Variants in CELF2 observed in about 807,000 individuals in gnomAD.
CELF2 encodes CUG triplet repeat RNA-binding protein 2.
A neutral mutation model predicts 62.6 loss-of-function variants in CELF2; 8 were observed. The ratio of observed to expected loss-of-function variants is 0.13; its 90% CI spans 0.07 to 0.23. The LOEUF is 0.23. CELF2 is among the 10% of genes least tolerant of loss of function. CELF2 has a pLI of 1.00. For missense variants in CELF2, 333 were observed against 671.0 expected, an observed-to-expected ratio of 0.50 and a Z score of 5.56; for synonymous variants, 258 against 250.0, an observed-to-expected ratio of 1.03 and a Z score of -0.30.
intron 1 of CELF2, among the ~76,000 whole-genome samples, chr10:10,898,006 G>A (rs910436300): frequency 2.0e-5 from 3 of 152,178 alleles, no homozygotes; most frequent in Admixed American, 1.3e-4. Context: ...TGGGCTCAGA[G>A]GGTGGATCAA....
At chr10:10,683,127 C>T in the CELF2 span, among the ~76,000 whole-genome samples, 1 of 152,180 alleles carries the variant, frequency 6.6e-6, no homozygotes, top group Non-Finnish European at 1.5e-5. Flanking sequence ...GACATTTTCC[C>T]TACTATAGTA....
At chr10:10,791,387 T>C in the CELF2 span, among the ~76,000 whole-genome samples, 9 of 152,234 alleles carry the variant, frequency 5.9e-5, 1 homozygote, top group East Asian at 1.7e-3. Context: ...TTTCCAACTT[T>C]GCCAGTAAAC....
In CELF2 at chr10:11,319,178, G is replaced by C. The variant is rs539784118; in HGVS notation, c.1097-2011G>C. ...TTCCAGAGGACTGTGCCCAGAGTGCGATCATCTGTAATCCACAGCACCCGT... is the reference window on the plus strand; with the variant it reads ...TTCCAGAGGACTGTGCCCAGAGTGCCATCATCTGTAATCCACAGCACCCGT... On this transcript the variant is annotated intron_variant, in intron 10 of 12. Coordinates refer to ENST00000633077, the MANE Select transcript of CELF2 (RefSeq NM_001326342.2). The surrounding 1 kb of genome is among the most constrained non-coding windows in gnomAD (Gnocchi z 4.4). 29 of 454,290 alleles carry C rather than the reference G, an allele frequency of 6.4e-5. No individual in the cohort carries two copies. The highest frequency in any genetic ancestry group is 4.5e-4 in the South Asian group (28 of 61,606). The allele number at this position is 454,290 out of a possible 1,614,324, so 28.1% of individuals were successfully genotyped here. A position where few individuals can be genotyped will look rare whatever the true frequency, so the allele number is the denominator to read the frequency against.
chr10:11,006,253 T>C (rs2055238478), intron 1 of CELF2, among the ~76,000 whole-genome samples: 1 of 152,246 alleles, frequency 6.6e-6, no homozygotes, highest in African/African-American at 2.4e-5. Flanking sequence ...TTTATTTTTT[T>C]CTTTTTCAAC....
chr10:10,749,398 T>C, the CELF2 span, among the ~76,000 whole-genome samples: 1 of 152,170 alleles, frequency 6.6e-6, no homozygotes, highest in East Asian at 1.9e-4. Context: ...AATTACAGTT[T>C]TATGTGCTAT....
intron 1 of CELF2, among the ~76,000 whole-genome samples, chr10:10,916,138 A>C (rs765831868): frequency 2.0e-5 from 3 of 152,238 alleles, no homozygotes; most frequent in Non-Finnish European, 4.4e-5. Flanking sequence ...GTATAAATTC[A>C]TGAAAACATG....
intron 10 of CELF2, among the ~76,000 whole-genome samples, chr10:11,320,615 G>A (rs951743030): frequency 2.6e-5 from 4 of 152,054 alleles, no homozygotes; most frequent in Admixed American, 2.6e-4. Context: ...TAGAAAGTCC[G>A]TTTTCCCACA....
At chr10:10,529,739 T>C in the CELF2 span, among the ~76,000 whole-genome samples, 5 of 145,416 alleles carry the variant, frequency 3.4e-5, no homozygotes, top group East Asian at 1.0e-3. Flanking sequence ...TCTTAAAGAT[T>C]AGTGAATTAT....
chr10:11,283,007 A>G (rs757765265), intron 8 of CELF2, among the ~76,000 whole-genome samples: 3 of 152,182 alleles, frequency 2.0e-5, no homozygotes, highest in Admixed American at 6.5e-5. Flanking sequence ...GGCCCAAGCG[A>G]TCCTTTAGCC....
intron 2 of CELF2, chr10:10,929,585 C>T (rs1170795945): frequency 1.3e-5 from 2 of 152,188 alleles, no homozygotes; most frequent in Middle Eastern, 3.2e-3. Flanking sequence ...TTAAAAATCC[C>T]AGTTCAGCCA....
At chr10:10,653,864 A>C in the CELF2 span, among the ~76,000 whole-genome samples, 1 of 151,292 alleles carries the variant, frequency 6.6e-6, no homozygotes, top group South Asian at 2.1e-4. Context: ...AAATAACTAA[A>C]ATCAGAGCAG....
chr10:10,757,432 G>T, the CELF2 span, among the ~76,000 whole-genome samples: 2,199 of 152,222 alleles, frequency 0.014, 59 homozygotes, highest in African/African-American at 0.051. Context: ...CACTGTCTCT[G>T]TCTCTTAAAA....
At chr10:10,478,587 T>C in the CELF2 span, among the ~76,000 whole-genome samples, 6 of 152,262 alleles carry the variant, frequency 3.9e-5, no homozygotes, top group East Asian at 9.6e-4. Flanking sequence ...GAAAATGATG[T>C]TTTGGTTGTA....
At chr10:11,056,632 A>G (rs537618206) in intron 1 of CELF2, among the ~76,000 whole-genome samples, 71 of 152,366 alleles carry the variant, frequency 4.7e-4, no homozygotes, top group Non-Finnish European at 2.2e-4. Context: ...TAAGAGTAGA[A>G]TGAAATGTTT....
Position 10,983,993 on chromosome 10 carries a change from C to G in CELF2, c.89+63994C>G, listed in dbSNP as rs896881692. 2.0e-5 allele frequency among the ~76,000 whole-genome samples: 3 copies of G among 152,208 alleles called. No individual in the cohort carries two copies. Among genetic ancestry groups the G allele is most frequent in the Non-Finnish European group, 4.4e-5 (3 of 68,040 alleles). On this transcript the variant is annotated intron_variant, in intron 2 of 13. Coordinates refer to the CELF2 transcript ENST00000636488. This position sits in a 1 kb window ranked among gnomAD's most constrained non-coding sequence, Gnocchi z 5.2. ...GTTGCGAATGGAAGACTTATAACCACACATGTGAATCTGCCGATTTTTTTA... is the reference window on the plus strand; with the variant it reads ...GTTGCGAATGGAAGACTTATAACCAGACATGTGAATCTGCCGATTTTTTTA...
rs898399452 is a variant in CELF2 at position 11,260,922 on chromosome 10, A to G, written c.538+3050A>G. On this transcript the variant is annotated intron_variant, in intron 5 of 12. Coordinates refer to ENST00000633077, the MANE Select transcript of CELF2 (RefSeq NM_001326342.2). The surrounding 1 kb of genome is among the most constrained non-coding windows in gnomAD (Gnocchi z 4.2). ...ATTAAAGAATTGCAGTTTTGAATCAAATATTAATGTGTCTCCCATTAGTGG... is the reference window on the plus strand; with the variant it reads ...ATTAAAGAATTGCAGTTTTGAATCAGATATTAATGTGTCTCCCATTAGTGG... Among the ~76,000 whole-genome samples, 3 of 152,194 alleles carry G rather than the reference A, an allele frequency of 2.0e-5. No individual in the cohort carries two copies. The highest frequency in any genetic ancestry group is 2.1e-4 in the South Asian group (1 of 4,836).
At position 11,207,902 on chromosome 10, in the gene CELF2, G is replaced by T. The variant is rs141687499; in HGVS notation, c.272-9523G>T. On this transcript the variant is annotated intron_variant, in intron 2 of 12. Coordinates refer to ENST00000633077, the MANE Select transcript of CELF2 (RefSeq NM_001326342.2). This position sits in a 1 kb window ranked among gnomAD's most constrained non-coding sequence, Gnocchi z 4.1. ...TCCCATTTTTAGGTGGGGAAAAAAG[G>T]GTTGTGTTAGGTGACTGTTGGAGAG... Among the ~76,000 whole-genome samples, 315 of 152,310 alleles carry T rather than the reference G, an allele frequency of 2.1e-3. 3 individuals carry two copies. Among genetic ancestry groups the T allele is most frequent in the African/African-American group, 7.0e-3 (289 of 41,582 alleles).
chr10:10,643,638 G>A, the CELF2 span, among the ~76,000 whole-genome samples: 264 of 152,188 alleles, frequency 1.7e-3, no homozygotes, highest in African/African-American at 6.1e-3. Flanking sequence ...TGATTCTTTA[G>A]TCTAACACTA....
chr10:11,238,002 A>G (rs920547852), intron 3 of CELF2, among the ~76,000 whole-genome samples: 2 of 152,252 alleles, frequency 1.3e-5, no homozygotes, highest in Non-Finnish European at 2.9e-5. Context: ...TTTAATGGCC[A>G]GGTCAGGCAT....
Sources: gnomAD v4.1 joint callset for allele counts (sites outside exome capture counted in the v4.1 genomes callset) on GRCh38, gnomAD v4.1.1 for gene constraint, Gnocchi (gnomAD v3.1) non-coding constraint, MANE v1.5 for transcripts, NCBI Gene and HGNC (gene_info 2026-07-23, HGNC 2026-07-21) for gene names.